GRHL2: variants seen among roughly 807,000 people sequenced by gnomAD.
GRHL2 encodes the protein grainyhead like transcription factor 2, also known as grainyhead-like protein 2 homolog.
Under a neutral mutation model 83.8 loss-of-function variants are expected in GRHL2, and 21 were observed. The observed-to-expected ratio is 0.25, with a 90% confidence interval of 0.18 to 0.36. The LOEUF (loss-of-function observed/expected upper bound fraction) is 0.36. Among genes scored for constraint, GRHL2 ranks in the 10% least tolerant of loss-of-function variants. The pLI, the probability that GRHL2 is intolerant of heterozygous loss-of-function variation, is 1.00. For synonymous variants in GRHL2, 280 were observed against 278.9 expected (o/e 1.00, Z -0.04); for missense variants, 623 against 781.8 (o/e 0.80, Z 2.42).
intron 14 of GRHL2, among the ~76,000 whole-genome samples, chr8:101,658,087 C>T (rs762799251): frequency 3.3e-5 from 5 of 152,160 alleles, no homozygotes; most frequent in South Asian, 2.1e-4. Context: ...TTTGGCAAAG[C>T]GCATCTCCCT....
At chr8:101,523,840 C>T (rs878895856) in intron 1 of GRHL2, among the ~76,000 whole-genome samples, 1 of 152,096 alleles carries the variant, frequency 6.6e-6, no homozygotes, top group Admixed American at 6.6e-5. Flanking sequence ...TAAATAAAGA[C>T]AAATCACGCA....
At chr8:101,513,656 G>A (rs1461992541) in intron 1 of GRHL2, among the ~76,000 whole-genome samples, 2 of 151,562 alleles carry the variant, frequency 1.3e-5, no homozygotes, top group Non-Finnish European at 2.9e-5. Flanking sequence ...CAACACACCC[G>A]GCTAATTTTT....
At chr8:101,645,259 A>G (rs971652477) in intron 13 of GRHL2, among the ~76,000 whole-genome samples, 3 of 151,022 alleles carry the variant, frequency 2.0e-5, no homozygotes, top group Non-Finnish European at 2.9e-5. Context: ...CAGCCTCCCA[A>G]GTAGCTGGGA....
intron 1 of GRHL2, among the ~76,000 whole-genome samples, chr8:101,512,290 A>G (rs1334168005): frequency 6.6e-6 from 1 of 152,162 alleles, no homozygotes; most frequent in Non-Finnish European, 1.5e-5. Context: ...CACATCATGC[A>G]TTCCTATAAA....
chr8:101,502,796 CCT>C lies in GRHL2; in HGVS notation c.20+10010_20+10011del, dbSNP rs1810257279. 4.0e-5 allele frequency among the ~76,000 whole-genome samples: 6 copies of C among 151,582 alleles called. No homozygotes were observed. In the South Asian group the frequency reaches 1.3e-3, roughly 32 times the overall value. ...TCTTCCTCCTCTTCCTTTTCCTCAT[CCT>C]CTTTCTTCTCCTTCTCTTCTTCTCT... On this transcript the variant is annotated intron_variant, in intron 1 of 15. Coordinates refer to ENST00000646743, the MANE Select transcript of GRHL2 (RefSeq NM_024915.4).
At chr8:101,573,532 T>C (rs914030322) in intron 5 of GRHL2, 136 bp from the exon 6 acceptor site, 1 of 994,174 alleles carries the variant, frequency 1.0e-6, no homozygotes, top group Non-Finnish European at 1.6e-6. Context: ...TCATCTCTTT[T>C]GCCATATGCT....
At chr8:101,543,485 C>T (rs1390137747) in intron 2 of GRHL2, 49 bp downstream of exon 2, 1 of 1,540,794 alleles carries the variant, frequency 6.5e-7, no homozygotes, top group Non-Finnish European at 9.0e-7. Flanking sequence ...CAGGACAACC[C>T]TTTGCTGGTG....
At chr8:101,585,877 T>C (rs1812152610) in intron 7 of GRHL2, among the ~76,000 whole-genome samples, 1 of 152,084 alleles carries the variant, frequency 6.6e-6, no homozygotes. Context: ...TCCTGGAAAC[T>C]CATTCTGTTG....
At chr8:101,517,892 C>T (rs1050451305) in intron 1 of GRHL2, among the ~76,000 whole-genome samples, 25 of 152,284 alleles carry the variant, frequency 1.6e-4, no homozygotes, top group East Asian at 9.7e-4. Flanking sequence ...GAGAACTCCA[C>T]ATTTTTGTGC....
intron 8 of GRHL2, among the ~76,000 whole-genome samples, chr8:101,606,112 A>T (rs1017611635): frequency 1.2e-4 from 18 of 152,234 alleles, no homozygotes; most frequent in Non-Finnish European, 2.4e-4. Context: ...TGCAGGAGGC[A>T]TACAGTGACC....
At chr8:101,611,503 A>G (rs1169187335) in intron 8 of GRHL2, among the ~76,000 whole-genome samples, 1 of 150,414 alleles carries the variant, frequency 6.6e-6, no homozygotes, top group Non-Finnish European at 1.5e-5. Flanking sequence ...CAGTACTCCC[A>G]TCCCTCCCTT....
At chr8:101,504,432 A>C (rs1810293476) in intron 1 of GRHL2, among the ~76,000 whole-genome samples, 1 of 152,146 alleles carries the variant, frequency 6.6e-6, no homozygotes, top group South Asian at 2.1e-4. Context: ...AGTTTGTTCC[A>C]CTCAGTGGGC....
chr8:101,558,766 C>T lies in GRHL2; in HGVS notation c.632C>T (p.Thr211Ile). 1 of 1,614,166 alleles carries T rather than the reference C, an allele frequency of 6.2e-7. No homozygotes were observed. The highest frequency in any genetic ancestry group is 8.5e-7 in the Non-Finnish European group (1 of 1,180,026). The change falls in exon 4 of 16, where the codon ACT becomes ATT. Residue 211 changes from threonine to isoleucine, a missense_variant. Coordinates refer to ENST00000646743, the MANE Select transcript of GRHL2 (RefSeq NM_024915.4). ...SAYLKDDQRS[T>I]PDSTYSESFK... ...TATCTCAAAGACGACCAGCGCAGCA[C>T]TCCGGACAGCACATACAGCGAGAGC...
chr8:101,506,757 C>G (rs1470449153), intron 1 of GRHL2, among the ~76,000 whole-genome samples: 1 of 151,116 alleles, frequency 6.6e-6, no homozygotes, highest in Non-Finnish European at 1.5e-5. Flanking sequence ...AATTTGTGTT[C>G]TACCAACAGT....
At chr8:101,635,276 T>A (rs1032697118) in intron 11 of GRHL2, among the ~76,000 whole-genome samples, 1 of 152,156 alleles carries the variant, frequency 6.6e-6, no homozygotes, top group Non-Finnish European at 1.5e-5. Context: ...ACTCTAAAGT[T>A]TGAAAAACAT....
rs199966401 is a variant in GRHL2, at chr8:101,574,026, G to A, written c.891+202G>A. Among the ~76,000 whole-genome samples the A allele has an allele frequency of 3.3e-5, 5 of 152,302 alleles. No homozygotes were observed. In the East Asian group the frequency reaches 9.6e-4, roughly 29 times the overall value. On this transcript the variant is annotated intron_variant, in intron 6 of 15. Coordinates refer to ENST00000646743, the MANE Select transcript of GRHL2 (RefSeq NM_024915.4). ...CAGTAACCAGTAAACCCCAGGGAAG[G>A]GACATGGTTGGAACATGCTGTCTGA...
intron 7 of GRHL2, among the ~76,000 whole-genome samples, chr8:101,580,988 C>G (rs1276578021): frequency 6.6e-6 from 1 of 152,234 alleles, no homozygotes; most frequent in African/African-American, 2.4e-5. Context: ...TAGGCGTAAG[C>G]CACTGCGTGC....
At chr8:101,507,905 ATCTCT>A (rs4002329) in intron 1 of GRHL2, among the ~76,000 whole-genome samples, 37,805 of 149,902 alleles carry the variant, frequency 0.25, 5,965 homozygotes, top group African/African-American at 0.45. Flanking sequence ...AGCCTCTTGA[ATCTCT>A]TAGCTGAGAT....
chr8:101,678,681 T>A, the GRHL2 span, among the ~76,000 whole-genome samples: 3 of 151,296 alleles, frequency 2.0e-5, no homozygotes, highest in Admixed American at 6.6e-5. Context: ...TAAATGTCCC[T>A]GTCTGACAGC....
Sources: allele counts gnomAD v4.1 joint callset (sites outside exome capture counted in the v4.1 genomes callset), GRCh38; gene constraint gnomAD v4.1.1; transcripts MANE v1.5; gene names NCBI Gene and HGNC (gene_info 2026-07-23, HGNC 2026-07-21).